The following HUS1 variants were observed in gnomAD, a reference collection of about 807,000 sequenced individuals.
The protein encoded by HUS1 is HUS1 checkpoint clamp component, also known as checkpoint protein HUS1.
HUS1 carries 31 observed loss-of-function variants against 32.6 expected under a neutral mutation model. The ratio of observed to expected loss-of-function variants is 0.95; its 90% confidence interval spans 0.72 to 1.28. The LOEUF (loss-of-function observed/expected upper bound fraction) is 1.28. HUS1 is among the 50% of genes most tolerant of loss of function. HUS1 has a pLI of 0.00. For missense variants in HUS1, 340 were observed against 337.7 expected (o/e 1.01, Z -0.05); for synonymous variants, 123 against 116.6 (o/e 1.06, Z -0.36).
Position 47,978,594 on chromosome 7 carries a change from C to T in HUS1, c.181-1G>A. ...TTTGAAATTCGTTGAAGAAGTTCTC[C>T]TAAGGGAAAAAAAATGAGGGATGAG... On this transcript the variant is annotated splice_acceptor_variant, in intron 2 of 7. Coordinates refer to ENST00000258774, the MANE Select transcript of HUS1 (RefSeq NM_004507.4). LOFTEE classifies it high-confidence loss of function. 6.2e-7 allele frequency: 1 copy of T among 1,613,286 alleles called. No individual in the cohort carries two copies. Among genetic ancestry groups the T allele is most frequent in the Non-Finnish European group, 8.5e-7 (1 of 1,179,390 alleles).
chr7:47,973,662 A>G (rs1788642173), intron 5 of HUS1, among the ~76,000 whole-genome samples: 1 of 152,210 alleles, frequency 6.6e-6, no homozygotes, highest in Admixed American at 6.5e-5. Context: ...GGAAGACCTC[A>G]TTATGTACTT....
At position 47,965,194 on chromosome 7, in the gene HUS1, T is replaced by C; in HGVS notation, c.*162A>G. On this transcript the variant is annotated 3_prime_UTR_variant, in exon 8 of 8. Coordinates refer to ENST00000258774, the MANE Select transcript of HUS1 (RefSeq NM_004507.4). ...GAAGTGATATGTTTATCCAACTGTGTGTTGTTGAATCAACTTTTAGTTAAA... is the reference window on the plus strand; with the variant it reads ...GAAGTGATATGTTTATCCAACTGTGCGTTGTTGAATCAACTTTTAGTTAAA... 1 of 542,762 alleles carries C rather than the reference T, an allele frequency of 1.8e-6. No individual in the cohort carries two copies. The highest frequency in any genetic ancestry group is 3.3e-6 in the Non-Finnish European group (1 of 299,120). 33.6% of individuals were successfully genotyped at this position (542,762 alleles called of 1,614,324 possible).
intron 4 of HUS1, 123 bp downstream of exon 4, chr7:47,976,607 T>C: frequency 1.4e-6 from 1 of 706,012 alleles, no homozygotes; most frequent in South Asian, 1.6e-5. Flanking sequence ...AGGCAAATAA[T>C]CTAATGTTTT....
intron 6 of HUS1, 143 bp downstream of exon 6, chr7:47,969,076 A>C (rs1562586616): frequency 3.4e-6 from 2 of 589,324 alleles, no homozygotes; most frequent in Admixed American, 3.3e-5. Context: ...TACATAGTCC[A>C]GTCTCAATTC....
chr7:47,976,124 C>G (rs570563292), intron 4 of HUS1: 1 of 344,106 alleles, frequency 2.9e-6, no homozygotes, highest in East Asian at 7.4e-5. Context: ...TGCATCACAT[C>G]TGAGACTGTT....
chr7:47,979,546 G>C lies in HUS1; in HGVS notation c.-27C>G, dbSNP rs762707160. On this transcript the variant is annotated 5_prime_UTR_variant, in exon 1 of 8. Coordinates refer to ENST00000258774, the MANE Select transcript of HUS1 (RefSeq NM_004507.4). ...GCCGCGGATGGCGCAGCCGCGGCGG[G>C]CCTCTGTGGGTAACAGAAAAGCGTC... The C allele has an allele frequency of 6.3e-7, 1 of 1,578,958 alleles. No individual in the cohort carries two copies. The highest frequency in any genetic ancestry group is 1.3e-5 in the African/African-American group (1 of 74,486).
At chr7:47,968,988 A>AC in intron 6 of HUS1, 2 of 477,710 alleles carry the variant, frequency 4.2e-6, no homozygotes, top group Non-Finnish European at 7.4e-6. Context: ...GAGGATGGAG[A>AC]CCCTGCACAG....
chr7:47,975,733 ATACT>A, intron 4 of HUS1, 46 bp from the exon 5 acceptor site: 1 of 1,120,926 alleles, frequency 8.9e-7, no homozygotes, highest in African/African-American at 1.6e-5. Flanking sequence ...AAATATTAAT[ATACT>A]CTAGTAATGA....
rs1401452920 is a variant in HUS1 at position 47,964,371 on chromosome 7, TCAAA to T, written c.*981_*984del. ...GTCTGGGTGACAGAATGAGACCGTC[TCAAA>T]CAAAACAAAACAAGAAAACAAAAGA... On this transcript the variant is annotated 3_prime_UTR_variant, in exon 8 of 8. Coordinates refer to ENST00000258774, the MANE Select transcript of HUS1 (RefSeq NM_004507.4). 6.6e-6 allele frequency: 1 copy of T among 152,258 alleles called. No homozygotes were observed. Among genetic ancestry groups the T allele is most frequent in the Non-Finnish European group, 1.5e-5 (1 of 68,070 alleles). 9.4% of individuals were successfully genotyped at this position (152,258 alleles called of 1,614,324 possible).
At chr7:47,972,542 C>G (rs1197632200) in intron 5 of HUS1, among the ~76,000 whole-genome samples, 1 of 152,242 alleles carries the variant, frequency 6.6e-6, no homozygotes, top group East Asian at 1.9e-4. Flanking sequence ...CAACAACACA[C>G]TTGATTTCTT....
Position 47,978,436 on chromosome 7 carries a change from AGGCAGGG to A in HUS1, c.331_337del (p.Pro111SerfsTer17), listed in dbSNP as rs1788753415. Reference sequence around the variant, plus strand: ...ACTCACCAGCTCCACGGAGACCGTGAGGCAGGGAAAGTGTTTATTAGTCAGTTTGATT... The same window carrying A: ...ACTCACCAGCTCCACGGAGACCGTGAAAAGTGTTTATTAGTCAGTTTGATT... On this transcript the variant is annotated frameshift_variant, in exon 3 of 8. Coordinates refer to ENST00000258774, the MANE Select transcript of HUS1 (RefSeq NM_004507.4). LOFTEE classifies it high-confidence loss of function. The A allele has an allele frequency of 1.2e-6, 2 of 1,614,030 alleles. No individual in the cohort carries two copies. The highest frequency in any genetic ancestry group is 1.7e-6 in the Non-Finnish European group (2 of 1,179,956).
In HUS1 at chr7:47,963,405, G is replaced by T. The variant is rs1246386606; in HGVS notation, c.*1951C>A. On this transcript the variant is annotated 3_prime_UTR_variant, in exon 8 of 8. Coordinates refer to ENST00000258774, the MANE Select transcript of HUS1 (RefSeq NM_004507.4). ...TAATAAACATCACATAGAGCAAATG[G>T]TTAAGTCACTAACACATTCTCTTTA... 6.6e-6 allele frequency: 1 copy of T among 152,126 alleles called. No homozygotes were observed. The highest frequency in any genetic ancestry group is 1.5e-5 in the Non-Finnish European group (1 of 68,022). 9.4% of individuals were successfully genotyped at this position (152,126 alleles called of 1,614,324 possible). A position where few individuals can be genotyped will look rare whatever the true frequency, so the allele number is the denominator to read the frequency against.
At chr7:47,976,702 G>A (rs1363667349) in intron 4 of HUS1, 28 bp downstream of exon 4, 2 of 1,188,548 alleles carry the variant, frequency 1.7e-6, no homozygotes, top group East Asian at 2.3e-5. Context: ...AATGTGGGGT[G>A]TACAGCAGGA....
chr7:47,976,097 A>G (rs1361805587), intron 4 of HUS1: 2 of 335,542 alleles, frequency 6.0e-6, no homozygotes, highest in African/African-American at 4.3e-5. Flanking sequence ...CTGTACAAAA[A>G]CATGGCAGAC....
intron 3 of HUS1, among the ~76,000 whole-genome samples, chr7:47,977,571 G>A (rs1788731495): frequency 6.6e-6 from 1 of 152,110 alleles, no homozygotes; most frequent in South Asian, 2.1e-4. Flanking sequence ...TCTGAGAACT[G>A]CCTGACTGCA....
rs554186437 is a variant in HUS1, at chr7:47,970,400, A to G, written c.541-1082T>C. Reference sequence around the variant, plus strand: ...AGAAACATAAGGAAAAATTTCAGAAACAGAAACTAGTTTAGAAGGAAGACT... The same window carrying G: ...AGAAACATAAGGAAAAATTTCAGAAGCAGAAACTAGTTTAGAAGGAAGACT... On this transcript the variant is annotated intron_variant, in intron 5 of 7. Transcript: ENST00000258774. Among the ~76,000 whole-genome samples the G allele has an allele frequency of 7.2e-5, 11 of 152,228 alleles. 1 individual carries two copies. In the South Asian group the frequency reaches 1.5e-3, roughly 20 times the overall value.
chr7:47,979,397 G>A, intron 1 of HUS1, 71 bp downstream of exon 1: 2 of 1,573,200 alleles, frequency 1.3e-6, no homozygotes, highest in Admixed American at 1.8e-5. Context: ...TGATCCTCCT[G>A]CGCGGTCCCC....
intron 6 of HUS1, chr7:47,968,971 T>C (rs896589242): frequency 8.0e-6 from 3 of 375,320 alleles, no homozygotes; most frequent in African/African-American, 6.4e-5. Flanking sequence ...TTGATCCGAA[T>C]TCTACAGAGG....
At chr7:47,970,223 ACT>A (rs1788568306) in intron 5 of HUS1, among the ~76,000 whole-genome samples, 1 of 112,200 alleles carries the variant, frequency 8.9e-6, no homozygotes, top group South Asian at 2.9e-4. Context: ...AAAGAGCGAG[ACT>A]CTGTCTCAAA....
Sources: allele counts gnomAD v4.1 joint callset (sites outside exome capture counted in the v4.1 genomes callset), GRCh38; gene constraint gnomAD v4.1.1; transcripts MANE v1.5; gene names NCBI Gene and HGNC (gene_info 2026-07-23, HGNC 2026-07-21).